The following DSCAM variants were observed in gnomAD, a reference collection of about 807,000 sequenced individuals.
DSCAM encodes DS cell adhesion molecule, also known as cell adhesion molecule DSCAM.
Under a neutral mutation model 217.7 loss-of-function variants are expected in DSCAM, and 47 were observed. The ratio of observed to expected loss-of-function variants is 0.22; its 90% CI spans 0.17 to 0.28. DSCAM has a LOEUF of 0.28. DSCAM is among the 10% of genes least tolerant of loss of function. DSCAM has a pLI of 1.00. For synonymous variants in DSCAM, 1,056 were observed against 1,015.3 expected (o/e 1.04, Z -0.76); for missense variants, 2,080 against 2,618.3 (o/e 0.79, Z 4.49).
intron 16 of DSCAM, among the ~76,000 whole-genome samples, chr21:40,156,251 A>C (rs1005810385): frequency 1.5e-4 from 21 of 142,672 alleles, no homozygotes; most frequent in Non-Finnish European, 2.6e-4. Flanking sequence ...CGGCACTGCC[A>C]GGAGGCAGGT....
At chr21:40,812,856 G>A (rs919806420) in intron 1 of DSCAM, among the ~76,000 whole-genome samples, 7 of 152,172 alleles carry the variant, frequency 4.6e-5, no homozygotes, top group Non-Finnish European at 8.8e-5. Flanking sequence ...GTGGGAAGTT[G>A]GAAGCCAAAG....
chr21:40,512,841 C>A (rs1296590461), intron 3 of DSCAM, among the ~76,000 whole-genome samples: 1 of 151,676 alleles, frequency 6.6e-6, no homozygotes, highest in African/African-American at 2.4e-5. Context: ...AGGGAAGGGA[C>A]CATAGAAAAT....
chr21:40,109,404 C>T (rs553073543), intron 20 of DSCAM, among the ~76,000 whole-genome samples: 4 of 152,332 alleles, frequency 2.6e-5, no homozygotes, highest in Admixed American at 2.0e-4. Context: ...AGCTCAACAT[C>T]ACTGATCATT....
At chr21:40,646,891 G>A (rs76398776) in intron 3 of DSCAM, among the ~76,000 whole-genome samples, 20,683 of 152,228 alleles carry the variant, frequency 0.14, 1,775 homozygotes, top group East Asian at 0.25. Context: ...CACACAGCTC[G>A]GGACCAGTCT....
At chr21:40,597,270 A>G (rs756768545) in intron 3 of DSCAM, among the ~76,000 whole-genome samples, 3 of 152,202 alleles carry the variant, frequency 2.0e-5, no homozygotes, top group Non-Finnish European at 4.4e-5. Context: ...TTCACAGGGT[A>G]AAGAAAAATA....
At chr21:40,380,196 CT>C (rs2075005918) in intron 3 of DSCAM, among the ~76,000 whole-genome samples, 1 of 152,184 alleles carries the variant, frequency 6.6e-6, no homozygotes, top group African/African-American at 2.4e-5. Context: ...CCTAATTACC[CT>C]ATTTAGTTTG....
At chr21:40,306,945 C>T (rs1251461776) in intron 9 of DSCAM, among the ~76,000 whole-genome samples, 95 of 151,986 alleles carry the variant, frequency 6.3e-4, no homozygotes, top group Non-Finnish European at 1.1e-3. Context: ...ATCAGGATGA[C>T]GCTGGCCTCA....
chr21:40,806,496 G>A (rs2091788887), intron 1 of DSCAM, among the ~76,000 whole-genome samples: 1 of 152,138 alleles, frequency 6.6e-6, no homozygotes, highest in Non-Finnish European at 1.5e-5. Context: ...ATGACCTTGG[G>A]TAAAAAGTCA....
chr21:40,319,392 C>G (rs180896418), intron 8 of DSCAM, among the ~76,000 whole-genome samples: 1 of 152,148 alleles, frequency 6.6e-6, no homozygotes, highest in South Asian at 2.1e-4. Context: ...CCTGCTGTGA[C>G]TTGGAGAAAA....
intron 3 of DSCAM, among the ~76,000 whole-genome samples, chr21:40,432,054 T>A (rs1394528210): frequency 2.0e-5 from 3 of 151,940 alleles, no homozygotes; most frequent in South Asian, 4.2e-4. Context: ...TACAAAAAAA[T>A]TCGCTAGGCA....
intron 14 of DSCAM, among the ~76,000 whole-genome samples, chr21:40,182,728 G>A (rs1364459918): frequency 3.8e-3 from 11 of 2,884 alleles, no homozygotes; most frequent in African/African-American, 5.4e-3. Flanking sequence ...AACCGTGGAC[G>A]GGGGGGCTAC....
chr21:40,819,095 G>A (rs114174234), intron 1 of DSCAM, among the ~76,000 whole-genome samples: 1,842 of 152,256 alleles, frequency 0.012, 33 homozygotes, highest in African/African-American at 0.042. Flanking sequence ...CTTCACTGGG[G>A]CCCAGGGCTA....
chr21:40,584,706 G>A (rs1050190487), intron 3 of DSCAM, among the ~76,000 whole-genome samples: 1 of 152,170 alleles, frequency 6.6e-6, no homozygotes, highest in South Asian at 2.1e-4. Context: ...GTCCTGCGGA[G>A]GGGGTTCTCT....
intron 3 of DSCAM, among the ~76,000 whole-genome samples, chr21:40,449,757 A>G (rs527409990): frequency 6.6e-6 from 1 of 152,298 alleles, no homozygotes; most frequent in African/African-American, 2.4e-5. Context: ...TTTTACTTCT[A>G]AACTTCTTCA....
At chr21:40,793,611 C>T (rs1024788258) in intron 1 of DSCAM, among the ~76,000 whole-genome samples, 3 of 152,008 alleles carry the variant, frequency 2.0e-5, no homozygotes, top group African/African-American at 7.3e-5. Context: ...CTGCCTCAGC[C>T]TCCCGGGTAG....
At position 40,353,541 on chromosome 21, in the gene DSCAM, C is replaced by A. The variant is rs375148161; in HGVS notation, c.858G>T (p.Ser286=). 16 of 1,612,010 alleles carry A rather than the reference C, an allele frequency of 9.9e-6. No individual in the cohort carries two copies. Among genetic ancestry groups the A allele is most frequent in the Non-Finnish European group, 1.2e-5 (14 of 1,179,382 alleles). The change falls in exon 5 of 33, where the codon TCG becomes TCT. Residue 286 remains serine, a synonymous_variant. Transcript: ENST00000400454. ...TGLLIENIRP[S]DSGSYVCEVS... is the part of the protein sequence containing the mutation. Reference sequence around the variant, plus strand: ...CTTCACAAACATAGCTGCCTGAGTCCGAGGGGCGAATGTTCTCAATGAGCA... The same window carrying A: ...CTTCACAAACATAGCTGCCTGAGTCAGAGGGGCGAATGTTCTCAATGAGCA...
chr21:40,270,538 T>C (rs905751143), intron 11 of DSCAM, among the ~76,000 whole-genome samples: 3 of 152,208 alleles, frequency 2.0e-5, no homozygotes, highest in African/African-American at 7.2e-5. Flanking sequence ...CACTAATTTG[T>C]CATGTTTGGG....
At chr21:40,790,293 T>C (rs1411101476) in intron 1 of DSCAM, among the ~76,000 whole-genome samples, 1 of 149,686 alleles carries the variant, frequency 6.7e-6, no homozygotes, top group African/African-American at 2.4e-5. Flanking sequence ...GCAATTCTCC[T>C]ACCTCAGCCC....
At chr21:40,462,744 A>G (rs552019361) in intron 3 of DSCAM, among the ~76,000 whole-genome samples, 5 of 152,134 alleles carry the variant, frequency 3.3e-5, no homozygotes, top group Non-Finnish European at 7.4e-5. Context: ...TTACAGCCTG[A>G]GTGTCAGGAA....
Sources: gnomAD v4.1 joint callset for allele counts (sites outside exome capture counted in the v4.1 genomes callset) on GRCh38, gnomAD v4.1.1 for gene constraint, MANE v1.5 for transcripts, NCBI Gene and HGNC (gene_info 2026-07-23, HGNC 2026-07-21) for gene names.